Variants in FREM2 observed in about 807,000 individuals in gnomAD.
FREM2 encodes the protein FRAS1 related extracellular matrix 2.
FREM2 carries 119 observed loss-of-function variants against 219.9 expected under a neutral mutation model. The observed-to-expected ratio is 0.54, with a 90% confidence interval of 0.47 to 0.63. The LOEUF (loss-of-function observed/expected upper bound fraction) is 0.63. Among genes scored for constraint, FREM2 ranks in the 30% least tolerant of loss-of-function variants. The probability of loss-of-function intolerance (pLI) is 0.00; values close to 1 mark genes in which losing one functional copy is unlikely to be tolerated. For missense variants in FREM2, 4,030 were observed against 3,993.6 expected (o/e 1.01, Z -0.25); for synonymous variants, 1,562 against 1,522.8 (o/e 1.03, Z -0.60).
Position 38,692,039 on chromosome 13 carries a change from C to G in FREM2, c.4695C>G (p.Asp1565Glu). Residue 1565 changes from aspartate (D) to glutamate (E), a missense_variant, in exon 1 of 24, where the codon GAC becomes GAG. By Grantham distance (45) the Asp-to-Glu change is conservative. This residue lies in a region of FREM2 where 3,102 missense variants were observed against 2,950.7 expected (regional missense o/e 1.05). Transcript: ENST00000280481. ...ELTVEDRDTP[D>E]KLLKFTITQV... The stretch of plus-strand genomic sequence containing the variant: ...CTGTCGAAGACAGAGATACTCCTGA[C>G]AAGCTCCTGAAATTCACTATCACCC... 6.2e-7 allele frequency: 1 copy of G among 1,614,230 alleles called. No homozygotes were observed. The highest frequency in any genetic ancestry group is 8.5e-7 in the Non-Finnish European group (1 of 1,180,038).
chr13:38,790,292 T>G (rs905154972), intron 6 of FREM2, among the ~76,000 whole-genome samples: 3 of 152,196 alleles, frequency 2.0e-5, no homozygotes, highest in African/African-American at 7.2e-5. Flanking sequence ...TTACATCACC[T>G]GTTCCTGTGT....
At chr13:38,720,418 A>G (rs752158954) in intron 2 of FREM2, among the ~76,000 whole-genome samples, 1 of 152,222 alleles carries the variant, frequency 6.6e-6, no homozygotes, top group Non-Finnish European at 1.5e-5. Context: ...GCTTAAAGCT[A>G]TAGAACTCAC....
At position 38,768,240 on chromosome 13, in the gene FREM2, A is replaced by G. The variant is rs572588628; in HGVS notation, c.5411-1338A>G. On this transcript the variant is annotated intron_variant, in intron 3 of 23. Transcript: ENST00000280481. Reference sequence around the variant, plus strand: ...ATTTTCAAGATTTAAAAAATCTATCACAAGACTTTATTTTTCCCTCTTTTA... The same window carrying G: ...ATTTTCAAGATTTAAAAAATCTATCGCAAGACTTTATTTTTCCCTCTTTTA... Among the ~76,000 whole-genome samples, 6 of 152,314 alleles carry G rather than the reference A, an allele frequency of 3.9e-5. No individual in the cohort carries two copies. The East Asian group carries it at 5.8e-4, about 15-fold the overall frequency.
rs553707494 is a variant in FREM2 at position 38,755,424 on chromosome 13, C to T, written c.5264-8880C>T. Among the ~76,000 whole-genome samples the T allele has an allele frequency of 1.7e-4, 26 of 152,172 alleles. No homozygotes were observed. In the South Asian group the frequency reaches 5.2e-3, roughly 30 times the overall value. ...TTCTCTATTGAAGGAAAAGGGTATC[C>T]AAAGTGTGCTGCTTGGCCCCTGGTG... is the stretch of plus-strand genomic sequence containing the variant. On this transcript the variant is annotated intron_variant, in intron 2 of 23. Transcript: ENST00000280481.
In FREM2 at chr13:38,733,314, G is replaced by GT. The variant is rs11367311; in HGVS notation, c.5264-30977dup. On this transcript the variant is annotated intron_variant, in intron 2 of 23. Coordinates refer to ENST00000280481, the MANE Select transcript of FREM2 (RefSeq NM_207361.6). ...GCCTCTGTTGACTTCGGAGCCAGTG[G>GT]TTTTTTTTTTTTTCTAATGATGGTA... Among the ~76,000 whole-genome samples the GT allele has an allele frequency of 9.3e-4, 136 of 146,134 alleles. 1 individual carries two copies. The highest frequency in any genetic ancestry group is 6.5e-3 in the Admixed American group (96 of 14,802).
rs4941898 is a variant in FREM2, at chr13:38,770,064, T to C, written c.5641+256T>C. 0.8 allele frequency among the ~76,000 whole-genome samples: 118,224 copies of C among 147,550 alleles called. 48,530 individuals are homozygous for C. Among genetic ancestry groups the C allele is most frequent in the Middle Eastern group, 0.91 (252 of 278 alleles). On this transcript the variant is annotated intron_variant, in intron 4 of 23. Coordinates refer to ENST00000280481, the MANE Select transcript of FREM2 (RefSeq NM_207361.6). ...AGTATATATAAATTGTATTAATAGA[T>C]TTTATGTATATATAAACATAATTAT... is the stretch of plus-strand genomic sequence containing the variant.
In FREM2 at chr13:38,881,010, C is replaced by G. The variant is rs115575417; in HGVS notation, c.*223C>G. 2.6e-5 allele frequency: 16 copies of G among 614,022 alleles called. No individual in the cohort carries two copies. The highest frequency in any genetic ancestry group is 3.8e-5 in the Non-Finnish European group (13 of 341,482). 38.0% of individuals were successfully genotyped at this position (614,022 alleles called of 1,614,324 possible). On this transcript the variant is annotated 3_prime_UTR_variant, in exon 24 of 24. Coordinates refer to ENST00000280481, the MANE Select transcript of FREM2 (RefSeq NM_207361.6). ...CCTCTTGCCCCAAAGGCAGCAACAA[C>G]GTACTCATATGTACACAGAGCCATG... is the stretch of plus-strand genomic sequence containing the variant.
chr13:38,746,600 T>C (rs998991049), intron 2 of FREM2, among the ~76,000 whole-genome samples: 1 of 152,190 alleles, frequency 6.6e-6, no homozygotes, highest in African/African-American at 2.4e-5. Flanking sequence ...ACTAGAAGAA[T>C]ATTTTTTAGT....
chr13:38,802,438 G>A (rs1875050881), intron 6 of FREM2, among the ~76,000 whole-genome samples: 1 of 151,516 alleles, frequency 6.6e-6, no homozygotes, highest in Non-Finnish European at 1.5e-5. Context: ...TGGAGGCTGG[G>A]CTTTCAGGAT....
At chr13:38,879,899 C>T (rs1366805031) in intron 23 of FREM2, among the ~76,000 whole-genome samples, 3 of 152,152 alleles carry the variant, frequency 2.0e-5, no homozygotes, top group South Asian at 2.1e-4. Context: ...TCCTGGGGTT[C>T]AGAAGATTTG....
chr13:38,702,300 GA>G (rs200495014), intron 2 of FREM2, among the ~76,000 whole-genome samples: 8 of 150,230 alleles, frequency 5.3e-5, no homozygotes, highest in African/African-American at 1.5e-4. Context: ...AGCCTTTTCA[GA>G]AAAAAAAACT....
At chr13:38,801,495 C>G (rs1322598380) in intron 6 of FREM2, among the ~76,000 whole-genome samples, 1 of 152,082 alleles carries the variant, frequency 6.6e-6, no homozygotes, top group Non-Finnish European at 1.5e-5. Context: ...TAGGTGATGA[C>G]TTTTTATTGA....
intron 2 of FREM2, among the ~76,000 whole-genome samples, chr13:38,710,908 C>T (rs902604716): frequency 6.6e-6 from 1 of 152,150 alleles, no homozygotes; most frequent in African/African-American, 2.4e-5. Flanking sequence ...CATATACTTT[C>T]CTGTAATTGT....
intron 6 of FREM2, among the ~76,000 whole-genome samples, chr13:38,801,312 T>C (rs1329323927): frequency 6.6e-6 from 1 of 152,232 alleles, no homozygotes; most frequent in African/African-American, 2.4e-5. Context: ...AAAATTAGCA[T>C]TTTTAATTCT....
At chr13:38,808,133 A>C (rs1465756482) in intron 6 of FREM2, among the ~76,000 whole-genome samples, 1 of 151,856 alleles carries the variant, frequency 6.6e-6, no homozygotes, top group Admixed American at 6.6e-5. Context: ...CTTTCCCTAA[A>C]CCTCATGAAG....
At position 38,803,402 on chromosome 13, in the gene FREM2, C is replaced by T. The variant is rs759027457; in HGVS notation, c.6019+18594C>T. Among the ~76,000 whole-genome samples, 73 of 151,988 alleles carry T rather than the reference C, an allele frequency of 4.8e-4. 1 individual carries two copies. Among genetic ancestry groups the T allele is most frequent in the Non-Finnish European group, 9.6e-4 (65 of 68,000 alleles). ...ACAGGTCTTGATGAAACCTGTGTCG[C>T]GTCTTTAAGACACGGCTAAAATTTT... On this transcript the variant is annotated intron_variant, in intron 6 of 23. Transcript: ENST00000280481.
In FREM2 at chr13:38,784,630, C is replaced by G. The variant is rs772643312; in HGVS notation, c.5841C>G (p.Thr1947=). The stretch of plus-strand genomic sequence containing the variant: ...ACATATCCAGGCCTGAGGACCACAC[C>G]AGTGTTGTCCGCTTTGACAAAGATG... ...SDYISRPEDH[T]SVVRFDKDER... The change falls in exon 6 of 24, where the codon ACC becomes ACG. Residue 1947 remains threonine (T), a synonymous_variant. Transcript: ENST00000280481. The G allele has an allele frequency of 2.5e-6, 4 of 1,613,622 alleles. No individual in the cohort carries two copies. Among genetic ancestry groups the G allele is most frequent in the Non-Finnish European group, 3.4e-6 (4 of 1,179,546 alleles).
At chr13:38,779,932 C>T (rs1874049751) in intron 4 of FREM2, among the ~76,000 whole-genome samples, 1 of 152,182 alleles carries the variant, frequency 6.6e-6, no homozygotes, top group Non-Finnish European at 1.5e-5. Flanking sequence ...ATCCCTAGGA[C>T]TTTTTCTCAG....
At chr13:38,850,320 C>T in intron 9 of FREM2, 85 bp downstream of exon 9, 2 of 1,098,352 alleles carry the variant, frequency 1.8e-6, no homozygotes, top group Non-Finnish European at 2.7e-6. Context: ...ATACAAGTTC[C>T]TCGATATCAA....
Sources: gnomAD v4.1 joint callset for allele counts (sites outside exome capture counted in the v4.1 genomes callset) on GRCh38, gnomAD v4.1.1 for gene constraint, gnomAD v4.1.1 regional missense constraint, MANE v1.5 for transcripts, NCBI Gene and HGNC (gene_info 2026-07-23, HGNC 2026-07-21) for gene names.